Variants in DAGLA observed in about 807,000 individuals in gnomAD.
DAGLA encodes the protein diacylglycerol lipase-alpha.
In DAGLA, 22 loss-of-function variants were observed where a neutral mutation model predicts 102.6. That is an observed-to-expected ratio of 0.21 (90% CI 0.15 to 0.31). The LOEUF (loss-of-function observed/expected upper bound fraction) is 0.31, where lower values mean the gene tolerates loss of function less well. Ranked by LOEUF, DAGLA falls within the 10% of genes least tolerant of loss-of-function variation. The probability of loss-of-function intolerance (pLI) is 1.00; values close to 1 mark genes in which losing one functional copy is unlikely to be tolerated. For missense variants in DAGLA, 927 were observed against 1,446.6 expected, an observed-to-expected ratio of 0.64 and a Z score of 5.83; for synonymous variants, 578 against 628.9, an observed-to-expected ratio of 0.92 and a Z score of 1.21.
chr11:61,728,188 G>A lies in DAGLA; in HGVS notation c.672G>A (p.Glu224=), dbSNP rs1460132939. 1.2e-6 allele frequency: 2 copies of A among 1,614,054 alleles called. No homozygotes were observed. Among genetic ancestry groups the A allele is most frequent in the Non-Finnish European group, 1.7e-6 (2 of 1,180,026 alleles). ...CAGAAATCGCCTACCTCTTTGCGGA[G>A]TTCTTCCGGGACCTTGACATTGTGC... ...AYSEIAYLFA[E]FFRDLDIVPS... Residue 224 remains glutamate (E), a synonymous_variant, in exon 7 of 20, where the codon GAG becomes GAA. Coordinates refer to ENST00000257215, the MANE Select transcript of DAGLA (RefSeq NM_006133.3).
Position 61,735,792 on chromosome 11 carries a change from C to T in DAGLA, c.1266C>T (p.His422=). The change falls in exon 12 of 20, where the codon CAC becomes CAT. Residue 422 remains histidine, a synonymous_variant. Transcript: ENST00000257215. ...GDAERLPVEG[H]HGTWLGHKGM... is the part of the protein sequence containing the mutation. ...CTGAGCGCCTCCCCGTGGAGGGGCA[C>T]CACGGCACCTGGCTGGGCCACAAGG... is the stretch of plus-strand genomic sequence containing the variant. 1 of 1,612,388 alleles carries T rather than the reference C, an allele frequency of 6.2e-7. No homozygotes were observed. Among genetic ancestry groups the T allele is most frequent in the Non-Finnish European group, 8.5e-7 (1 of 1,179,352 alleles).
At chr11:61,708,251 G>T (rs902358706) in intron 1 of DAGLA, among the ~76,000 whole-genome samples, 2 of 152,122 alleles carry the variant, frequency 1.3e-5, no homozygotes, top group Non-Finnish European at 2.9e-5. Context: ...CAAGTCATCC[G>T]CCCGCTTAGG....
At position 61,746,517 on chromosome 11, in the gene DAGLA, A is replaced by C. The variant is rs2135622075; in HGVS notation, c.*2028A>C. 1 of 152,700 alleles carries C rather than the reference A, an allele frequency of 6.5e-6. No individual in the cohort carries two copies. Among genetic ancestry groups the C allele is most frequent in the Middle Eastern group, 3.4e-3 (1 of 294 alleles). The allele number at this position is 152,700 out of a possible 1,614,324, so 9.5% of individuals were successfully genotyped here. ...ACAGACCCCCCACCCCCAAGGCTGC[A>C]GCCACACCATGTTTCAGGCTTGGGG... On this transcript the variant is annotated 3_prime_UTR_variant, in exon 20 of 20. Transcript: ENST00000257215.
At chr11:61,699,872 C>G (rs1269530184) in intron 1 of DAGLA, among the ~76,000 whole-genome samples, 2 of 152,238 alleles carry the variant, frequency 1.3e-5, no homozygotes, top group African/African-American at 4.8e-5. Context: ...ATTAGCTGTG[C>G]TGCTCACACC....
At chr11:61,729,035 AC>A (rs1172410995) in intron 8 of DAGLA, 27 bp downstream of exon 8, 2 of 1,594,876 alleles carry the variant, frequency 1.3e-6, no homozygotes, top group Non-Finnish European at 1.7e-6. Flanking sequence ...CTCTCACCCC[AC>A]CCCGTCCCCA....
At chr11:61,702,360 CA>C (rs902181783) in intron 1 of DAGLA, among the ~76,000 whole-genome samples, 1 of 152,166 alleles carries the variant, frequency 6.6e-6, no homozygotes, top group African/African-American at 2.4e-5. Flanking sequence ...TCTCTACCTC[CA>C]GGACAATGTT....
rs541168855 is a variant in DAGLA, at chr11:61,744,285, C to T, written c.2925C>T (p.Leu975=). Residue 975 remains leucine (L), a synonymous_variant, in exon 20 of 20, where the codon CTC becomes CTT. Transcript: ENST00000257215. The stretch of plus-strand genomic sequence containing the variant: ...ACCTGGTGCCCAAGCCCCCACGGCT[C>T]TTTGCCGGCTCAGCCGACCCCTCCT... The part of the protein sequence containing the change: ...EPNLVPKPPR[L]FAGSADPSSG... The T allele has an allele frequency of 2.5e-6, 4 of 1,612,916 alleles. No individual in the cohort carries two copies. In the South Asian group the frequency reaches 4.4e-5, roughly 18 times the overall value.
chr11:61,718,755 C>T (rs1056537797), intron 1 of DAGLA, among the ~76,000 whole-genome samples: 1 of 152,210 alleles, frequency 6.6e-6, no homozygotes. Flanking sequence ...CCCCGGCAGG[C>T]TAGCCCGCCA....
rs578203030 is a variant in DAGLA at position 61,692,735 on chromosome 11, C to T, written c.-45+12231C>T. On this transcript the variant is annotated intron_variant, in intron 1 of 19. Coordinates refer to ENST00000257215, the MANE Select transcript of DAGLA (RefSeq NM_006133.3). ...GCCCAGCTGTGGGGTTTTCTCACACCGAGAAGAGGGAAACAACCCAACATC... is the reference window on the plus strand; with the variant it reads ...GCCCAGCTGTGGGGTTTTCTCACACTGAGAAGAGGGAAACAACCCAACATC... 1.6e-4 allele frequency among the ~76,000 whole-genome samples: 24 copies of T among 152,082 alleles called. 1 individual carries two copies. The South Asian group carries it at 4.8e-3, about 30-fold the overall frequency.
chr11:61,742,730 G>T (rs1191035962), intron 19 of DAGLA, among the ~76,000 whole-genome samples: 1 of 152,056 alleles, frequency 6.6e-6, no homozygotes, highest in Non-Finnish European at 1.5e-5. Context: ...TATGTGCAGG[G>T]CTCTCTCCCT....
chr11:61,729,509 C>T (rs562531388), intron 8 of DAGLA, among the ~76,000 whole-genome samples: 6 of 152,294 alleles, frequency 3.9e-5, no homozygotes, highest in Non-Finnish European at 7.4e-5. Flanking sequence ...CCCAGTACAG[C>T]CCAGGCTGAA....
At chr11:61,726,629 C>T (rs909581203) in intron 6 of DAGLA, among the ~76,000 whole-genome samples, 1 of 152,194 alleles carries the variant, frequency 6.6e-6, no homozygotes, top group African/African-American at 2.4e-5. Flanking sequence ...TGCCCCGCAG[C>T]GGGCAGGGAC....
At chr11:61,736,736 G>C (rs1032005111) in intron 13 of DAGLA, among the ~76,000 whole-genome samples, 1 of 152,198 alleles carries the variant, frequency 6.6e-6, no homozygotes, top group Non-Finnish European at 1.5e-5. Context: ...CACTGGCCAC[G>C]GTCTGTGCAG....
chr11:61,696,073 C>T (rs1439032818), intron 1 of DAGLA, among the ~76,000 whole-genome samples: 1 of 152,234 alleles, frequency 6.6e-6, no homozygotes, highest in Non-Finnish European at 1.5e-5. Flanking sequence ...TCCCTGTCCC[C>T]ACCACCAGGC....
chr11:61,711,153 G>A (rs2065191779), intron 1 of DAGLA, among the ~76,000 whole-genome samples: 1 of 152,176 alleles, frequency 6.6e-6, no homozygotes, highest in South Asian at 2.1e-4. Context: ...CAGGTAGAAA[G>A]GACGAAAACC....
rs2064988297 is a variant in DAGLA, at chr11:61,686,758, A to T, written c.-45+6254A>T. On this transcript the variant is annotated intron_variant, in intron 1 of 19. Coordinates refer to ENST00000257215, the MANE Select transcript of DAGLA (RefSeq NM_006133.3). This position sits in a 1 kb window ranked among gnomAD's most constrained non-coding sequence, Gnocchi z 5.2. ...GGCCCCTCGTCATTGTCTCTCCTGG[A>T]GCCATTTAATTAATTGATGATTGAT... is the stretch of plus-strand genomic sequence containing the variant. 6.6e-6 allele frequency among the ~76,000 whole-genome samples: 1 copy of T among 152,120 alleles called. No homozygotes were observed. Among genetic ancestry groups the T allele is most frequent in the Non-Finnish European group, 1.5e-5 (1 of 68,004 alleles).
chr11:61,680,940 G>A (rs1019329382), intron 1 of DAGLA, among the ~76,000 whole-genome samples: 16 of 152,208 alleles, frequency 1.1e-4, no homozygotes, highest in African/African-American at 3.4e-4. Flanking sequence ...CATTGCTTGG[G>A]TGTTGGGATG....
intron 1 of DAGLA, among the ~76,000 whole-genome samples, chr11:61,682,426 C>T (rs1043213260): frequency 6.6e-6 from 1 of 152,032 alleles, no homozygotes; most frequent in Non-Finnish European, 1.5e-5. Flanking sequence ...CACATGCTCC[C>T]GGTGGGGGCA....
At chr11:61,712,603 A>T (rs146338176) in intron 1 of DAGLA, among the ~76,000 whole-genome samples, 1 of 152,282 alleles carries the variant, frequency 6.6e-6, no homozygotes, top group Admixed American at 6.5e-5. Flanking sequence ...AGCGCAGCTG[A>T]TGTGTGAAAA....
Sources: gnomAD v4.1 joint callset for allele counts (sites outside exome capture counted in the v4.1 genomes callset) on GRCh38, gnomAD v4.1.1 for gene constraint, Gnocchi (gnomAD v3.1) non-coding constraint, MANE v1.5 for transcripts, NCBI Gene and HGNC (gene_info 2026-07-23, HGNC 2026-07-21) for gene names.